The following PPARGC1A variants were observed in gnomAD, a reference collection of about 807,000 sequenced individuals.
PPARGC1A encodes peroxisome proliferator-activated receptor gamma coactivator 1-alpha.
Under a neutral mutation model 88.7 loss-of-function variants are expected in PPARGC1A, and 25 were observed. The observed-to-expected ratio is 0.28, with a 90% CI of 0.21 to 0.39. The LOEUF is 0.39. Ranked by LOEUF, PPARGC1A falls within the 10% of genes least tolerant of loss-of-function variation. PPARGC1A has a pLI of 1.00. For synonymous variants in PPARGC1A, 363 were observed against 355.6 expected (o/e 1.02, Z -0.24); for missense variants, 880 against 968.7 (o/e 0.91, Z 1.22).
chr4:24,209,065 C>T, the PPARGC1A span, among the ~76,000 whole-genome samples: 2 of 152,130 alleles, frequency 1.3e-5, no homozygotes, highest in Non-Finnish European at 1.5e-5. Flanking sequence ...CACACTAGGC[C>T]TTGTCGAAGT....
chr4:24,014,832 G>A, the PPARGC1A span, among the ~76,000 whole-genome samples: 5 of 152,204 alleles, frequency 3.3e-5, no homozygotes, highest in East Asian at 7.7e-4. Flanking sequence ...CAACTGATTA[G>A]GACCTTAATT....
chr4:24,343,426 A>G, the PPARGC1A span, among the ~76,000 whole-genome samples: 1 of 152,152 alleles, frequency 6.6e-6, no homozygotes, highest in Non-Finnish European at 1.5e-5. Flanking sequence ...TTTGGCCACA[A>G]GAAGACACAG....
At chr4:23,992,411 C>A in the PPARGC1A span, among the ~76,000 whole-genome samples, 1 of 152,080 alleles carries the variant, frequency 6.6e-6, no homozygotes, top group Middle Eastern at 3.4e-3. Flanking sequence ...GAGCACTGTA[C>A]ACATGATCTC....
the PPARGC1A span, among the ~76,000 whole-genome samples, chr4:23,916,047 T>G: frequency 0.015 from 2,273 of 152,302 alleles, 61 homozygotes; most frequent in African/African-American, 0.051. Context: ...TTAGCCTCTC[T>G]GTGCCTCAGT....
At chr4:23,934,465 T>G in the PPARGC1A span, among the ~76,000 whole-genome samples, 10 of 152,168 alleles carry the variant, frequency 6.6e-5, no homozygotes, top group Non-Finnish European at 1.3e-4. Flanking sequence ...GGGGTTTTTG[T>G]TTTGTTTTCA....
chr4:24,132,506 T>G, the PPARGC1A span, among the ~76,000 whole-genome samples: 1 of 152,158 alleles, frequency 6.6e-6, no homozygotes, highest in African/African-American at 2.4e-5. Context: ...ACCATCACAT[T>G]GTTTAGTCAG....
chr4:24,065,590 CCT>C, the PPARGC1A span, among the ~76,000 whole-genome samples: 1 of 152,058 alleles, frequency 6.6e-6, no homozygotes, highest in Non-Finnish European at 1.5e-5. Flanking sequence ...TGAGAATGGC[CCT>C]CTGTCTGCAG....
At chr4:23,903,973 A>G (rs1003814373), upstream of PPARGC1A, 8 of 920,758 alleles carry the variant, frequency 8.7e-6, no homozygotes, top group Non-Finnish European at 1.0e-5. Flanking sequence ...AGGTGCAGAC[A>G]TAATGCCTCC....
the PPARGC1A span, among the ~76,000 whole-genome samples, chr4:24,212,524 A>T: frequency 2.0e-5 from 3 of 152,336 alleles, no homozygotes; most frequent in African/African-American, 7.2e-5. Flanking sequence ...AAATGGAATA[A>T]TGTATTCTAA....
the PPARGC1A span, among the ~76,000 whole-genome samples, chr4:23,956,932 G>T: frequency 6.6e-6 from 1 of 152,062 alleles, no homozygotes; most frequent in South Asian, 2.1e-4. Context: ...AGCGCATGAG[G>T]TAGGTGCCCT....
At chr4:24,462,140 C>T in the PPARGC1A span, among the ~76,000 whole-genome samples, 21 of 152,112 alleles carry the variant, frequency 1.4e-4, no homozygotes, top group Non-Finnish European at 2.6e-4. Context: ...GGCTGGAGTG[C>T]AGTGGCGGGA....
At chr4:24,314,737 T>C in the PPARGC1A span, among the ~76,000 whole-genome samples, 2 of 152,274 alleles carry the variant, frequency 1.3e-5, no homozygotes, top group South Asian at 2.1e-4. Context: ...AAAACAAAAA[T>C]GTGTTCTGTC....
the PPARGC1A span, among the ~76,000 whole-genome samples, chr4:24,248,270 G>A: frequency 6.6e-6 from 1 of 151,972 alleles, no homozygotes. Flanking sequence ...GACTACAGGC[G>A]CCCGCCACCA....
chr4:24,445,277 A>G, the PPARGC1A span, among the ~76,000 whole-genome samples: 1 of 152,294 alleles, frequency 6.6e-6, no homozygotes, highest in Non-Finnish European at 1.5e-5. Flanking sequence ...AGATCTCAAG[A>G]CTGATTGTTT....
the PPARGC1A span, among the ~76,000 whole-genome samples, chr4:24,260,446 G>A: frequency 6.6e-6 from 1 of 152,156 alleles, no homozygotes; most frequent in African/African-American, 2.4e-5. Flanking sequence ...TCACACCTTC[G>A]CCAGTCAGAA....
chr4:24,285,169 C>T, the PPARGC1A span, among the ~76,000 whole-genome samples: 1 of 152,182 alleles, frequency 6.6e-6, no homozygotes, highest in Admixed American at 6.5e-5. Flanking sequence ...GAAGGAGATG[C>T]TGTTGCCTAT....
chr4:23,921,587 G>A, the PPARGC1A span, among the ~76,000 whole-genome samples: 5 of 152,294 alleles, frequency 3.3e-5, no homozygotes, highest in South Asian at 6.2e-4. Flanking sequence ...CAATAGAACT[G>A]TCTGAAAATG....
chr4:24,114,622 T>A, the PPARGC1A span, among the ~76,000 whole-genome samples: 1 of 152,138 alleles, frequency 6.6e-6, no homozygotes, highest in Non-Finnish European at 1.5e-5. Context: ...TGGACAACAT[T>A]TACGCAGGGT....
chr4:24,286,317 T>C, the PPARGC1A span, among the ~76,000 whole-genome samples: 1 of 152,172 alleles, frequency 6.6e-6, no homozygotes, highest in African/African-American at 2.4e-5. Flanking sequence ...CTTAGTCTTG[T>C]TCTTCTCTCC....
Sources: allele counts gnomAD v4.1 joint callset (sites outside exome capture counted in the v4.1 genomes callset), GRCh38; gene constraint gnomAD v4.1.1; transcripts MANE v1.5; gene names NCBI Gene and HGNC (gene_info 2026-07-23, HGNC 2026-07-21).